The following HNMT variants were observed in gnomAD, a reference collection of about 807,000 sequenced individuals.
HNMT encodes the protein histamine N-methyltransferase.
Under a neutral mutation model 32.1 loss-of-function variants are expected in HNMT, and 30 were observed. The observed-to-expected ratio is 0.93, with a 90% CI of 0.70 to 1.27. The LOEUF is 1.27. Among genes scored for constraint, HNMT ranks in the 50% most tolerant of loss-of-function variants. The probability of loss-of-function intolerance (pLI) is 0.00; values close to 1 mark genes in which losing one functional copy is unlikely to be tolerated. For missense variants in HNMT, 327 were observed against 346.0 expected (o/e 0.95, Z 0.43); for synonymous variants, 125 against 119.0 (o/e 1.05, Z -0.33).
intron 2 of HNMT, among the ~76,000 whole-genome samples, chr2:137,983,581 C>G (rs1286721521): frequency 1.3e-5 from 2 of 152,232 alleles, no homozygotes; most frequent in Middle Eastern, 3.4e-3. Flanking sequence ...CAGTGCTCAT[C>G]ATACAGGATA....
intron 5 of HNMT, among the ~76,000 whole-genome samples, chr2:138,012,606 A>G (rs1327903857): frequency 1.3e-5 from 2 of 152,128 alleles, no homozygotes; most frequent in Non-Finnish European, 2.9e-5. Context: ...CAGACTAACA[A>G]CTACCTTCCT....
intron 2 of HNMT, among the ~76,000 whole-genome samples, chr2:137,980,278 C>T (rs758850715): frequency 4.6e-5 from 7 of 152,148 alleles, no homozygotes; most frequent in African/African-American, 7.2e-5. Flanking sequence ...ACCTCATGAT[C>T]CTCCCATCTC....
chr2:137,998,533 T>C (rs1681063044), intron 2 of HNMT, among the ~76,000 whole-genome samples: 1 of 152,146 alleles, frequency 6.6e-6, no homozygotes, highest in African/African-American at 2.4e-5. Flanking sequence ...AGTTGCATTA[T>C]CACCTCTTCT....
At chr2:137,989,604 G>A (rs1389040289) in intron 2 of HNMT, among the ~76,000 whole-genome samples, 1 of 152,166 alleles carries the variant, frequency 6.6e-6, no homozygotes, top group Non-Finnish European at 1.5e-5. Flanking sequence ...ACTCCTTTGG[G>A]TAGAAACCAA....
At chr2:137,981,216 A>G in intron 2 of HNMT, 1 of 1,613,236 alleles carries the variant, frequency 6.2e-7, no homozygotes, top group Non-Finnish European at 8.5e-7. Flanking sequence ...TGACCTGCAG[A>G]TTGTCTCATT....
chr2:137,978,565 A>T (rs1680365430), intron 2 of HNMT, among the ~76,000 whole-genome samples: 3 of 140,324 alleles, frequency 2.1e-5, no homozygotes, highest in Admixed American at 1.5e-4. Flanking sequence ...ATTATACAAT[A>T]CATATGACTA....
chr2:137,993,308 A>G (rs570855229), intron 2 of HNMT, among the ~76,000 whole-genome samples: 3 of 152,312 alleles, frequency 2.0e-5, no homozygotes, highest in Admixed American at 1.3e-4. Flanking sequence ...GAACCTTGAT[A>G]AAAGGTTAGA....
intron 2 of HNMT, among the ~76,000 whole-genome samples, chr2:137,987,950 G>A (rs1305072535): frequency 2.0e-5 from 3 of 152,190 alleles, no homozygotes; most frequent in African/African-American, 7.2e-5. Flanking sequence ...TACCAGCTAT[G>A]AGTGGTAGAG....
At chr2:137,981,573 G>C in intron 2 of HNMT, 1 of 561,082 alleles carries the variant, frequency 1.8e-6, no homozygotes, top group Non-Finnish European at 3.2e-6. Flanking sequence ...GTCTCCAATG[G>C]TTAGAACCTG....
rs1309944089 is a variant in HNMT, at chr2:138,002,074, C to T, written c.309C>T (p.Ala103=). The part of the protein sequence containing the change: ...EQIAKYKELV[A]KTSNLENVKF... ...TTCTCTGTATTTTAGAGCTTGTAGC[C>T]AAGACATCGAACCTCGAGAACGTAA... The change falls in exon 4 of 6, where the codon GCC becomes GCT. Residue 103 remains alanine (A), a synonymous_variant. Transcript: ENST00000280097. The T allele has an allele frequency of 6.3e-7, 1 of 1,580,118 alleles. No homozygotes were observed. The highest frequency in any genetic ancestry group is 8.6e-7 in the Non-Finnish European group (1 of 1,165,464).
At chr2:137,986,823 T>C (rs1680665946) in intron 2 of HNMT, among the ~76,000 whole-genome samples, 1 of 152,224 alleles carries the variant, frequency 6.6e-6, no homozygotes, top group African/African-American at 2.4e-5. Flanking sequence ...TGCATATCTT[T>C]CTAAACATTG....
At chr2:137,984,311 C>T (rs1331856071) in intron 2 of HNMT, among the ~76,000 whole-genome samples, 1 of 152,174 alleles carries the variant, frequency 6.6e-6, no homozygotes, top group Admixed American at 6.5e-5. Context: ...ATAGTGGCTG[C>T]TCCAGTCTAT....
At chr2:137,965,491 C>G (rs536708884) in intron 1 of HNMT, among the ~76,000 whole-genome samples, 217 of 152,212 alleles carry the variant, frequency 1.4e-3, no homozygotes, top group African/African-American at 5.0e-3. Flanking sequence ...AATTCTTTCA[C>G]CAGGGCAGTA....
Position 137,967,172 on chromosome 2 carries a change from A to G in HNMT, c.137+2544A>G. The G allele has an allele frequency of 3.9e-6, 3 of 766,586 alleles. No individual in the cohort carries two copies. In the South Asian group the frequency reaches 4.1e-5, roughly 10 times the overall value. 47.5% of individuals were successfully genotyped at this position (766,586 alleles called of 1,614,324 possible). ...ACGCCTGTAATCCTAGCACTTCGGG[A>G]GGCTGAGGCGGGAGGATTACTTGAG... On this transcript the variant is annotated intron_variant, in intron 1 of 5. Transcript: ENST00000280097.
chr2:137,965,522 G>A (rs1313031550), intron 1 of HNMT, among the ~76,000 whole-genome samples: 2 of 152,040 alleles, frequency 1.3e-5, no homozygotes. Context: ...ACCAGAGCAG[G>A]CATTATTAGA....
chr2:138,003,082 T>G (rs1302138344), intron 4 of HNMT, among the ~76,000 whole-genome samples: 1 of 64,042 alleles, frequency 1.6e-5, no homozygotes, highest in Non-Finnish European at 2.8e-5. Flanking sequence ...TGGGGTCTGT[T>G]GTGGGGTGGG....
rs369993987 is a variant in HNMT, at chr2:138,000,179, C to T, written c.191-739C>T. On this transcript the variant is annotated intron_variant, in intron 2 of 5. Coordinates refer to ENST00000280097, the MANE Select transcript of HNMT (RefSeq NM_006895.3). ...TCTGTGTGTGCATCTGTCATCTTGT[C>T]CCCTGTACCTGCAATCCCTCACTTC... Among the ~76,000 whole-genome samples the T allele has an allele frequency of 4.6e-5, 7 of 152,112 alleles. No homozygotes were observed. In the East Asian group the frequency reaches 1.4e-3, roughly 29 times the overall value.
In HNMT at chr2:137,977,826, A is replaced by T. The variant is rs866801407; in HGVS notation, c.190+7609A>T. On this transcript the variant is annotated intron_variant, in intron 2 of 5. Transcript: ENST00000280097. ...TGGCCTGGCCCTGCTGGTTGTTAAA[A>T]ATATTGAAATTCTTGATAAACAGCT... Among the ~76,000 whole-genome samples the T allele has an allele frequency of 3.9e-5, 6 of 152,022 alleles. No individual in the cohort carries two copies. The East Asian group carries it at 5.8e-4, about 15-fold the overall frequency.
Position 138,014,719 on chromosome 2 carries a change from T to C in HNMT, c.*589T>C, listed in dbSNP as rs1681611805. The C allele has an allele frequency of 6.6e-6, 1 of 152,318 alleles. No individual in the cohort carries two copies. Among genetic ancestry groups the C allele is most frequent in the South Asian group, 2.1e-4 (1 of 4,826 alleles). The allele number at this position is 152,318 out of a possible 1,614,324, so 9.4% of individuals were successfully genotyped here. A position where few individuals can be genotyped will look rare whatever the true frequency, so the allele number is the denominator to read the frequency against. On this transcript the variant is annotated 3_prime_UTR_variant, in exon 6 of 6. Coordinates refer to ENST00000280097, the MANE Select transcript of HNMT (RefSeq NM_006895.3). ...ATTTTATCTGTGAATTAATAGCTTTTTGTTTGTCTTTTTGATATACTGAAG... is the reference window on the plus strand; with the variant it reads ...ATTTTATCTGTGAATTAATAGCTTTCTGTTTGTCTTTTTGATATACTGAAG...
Sources: allele counts gnomAD v4.1 joint callset (sites outside exome capture counted in the v4.1 genomes callset), GRCh38; gene constraint gnomAD v4.1.1; transcripts MANE v1.5; gene names NCBI Gene and HGNC (gene_info 2026-07-23, HGNC 2026-07-21).